FGGY: variants seen among roughly 807,000 people sequenced by gnomAD.
FGGY encodes FGGY carbohydrate kinase domain containing.
A neutral mutation model predicts 71.3 loss-of-function variants in FGGY; 72 were observed. That is an observed-to-expected ratio of 1.01 (90% confidence interval 0.84 to 1.23). The LOEUF is 1.23. FGGY is among the 50% of genes most tolerant of loss of function. FGGY has a pLI of 0.00. For synonymous variants in FGGY, 251 were observed against 250.3 expected (o/e 1.00, Z -0.02); for missense variants, 668 against 682.3 (o/e 0.98, Z 0.23).
intron 6 of FGGY, among the ~76,000 whole-genome samples, chr1:59,484,185 C>T (rs1418115936): frequency 6.6e-6 from 1 of 152,136 alleles, no homozygotes; most frequent in African/African-American, 2.4e-5. Flanking sequence ...AAAAGCAGGC[C>T]TGACTCCAAA....
intron 10 of FGGY, among the ~76,000 whole-genome samples, chr1:59,628,732 A>G (rs953137950): frequency 6.6e-6 from 1 of 152,192 alleles, no homozygotes; most frequent in South Asian, 2.1e-4. Context: ...TTATAGAATT[A>G]TCAGAGAAAC....
At chr1:59,597,413 G>GT (rs2096534603) in intron 8 of FGGY, among the ~76,000 whole-genome samples, 1 of 152,146 alleles carries the variant, frequency 6.6e-6, no homozygotes, top group Non-Finnish European at 1.5e-5. Context: ...ACCCATCTGA[G>GT]TGATCGTGTT....
intron 4 of FGGY, among the ~76,000 whole-genome samples, chr1:59,369,899 C>T (rs2057297487): frequency 6.6e-6 from 1 of 152,108 alleles, no homozygotes; most frequent in South Asian, 2.1e-4. Context: ...ACATCCACAC[C>T]AAAAACCCAT....
intron 5 of FGGY, among the ~76,000 whole-genome samples, chr1:59,419,908 G>A (rs1464161610): frequency 6.6e-6 from 1 of 152,038 alleles, no homozygotes; most frequent in Admixed American, 6.5e-5. Context: ...ACAACTCTAT[G>A]GTAAATGCTG....
chr1:59,587,182 T>C (rs2153776022), intron 8 of FGGY, among the ~76,000 whole-genome samples: 1 of 152,322 alleles, frequency 6.6e-6, no homozygotes, highest in Middle Eastern at 3.4e-3. Flanking sequence ...CCACGGAGTC[T>C]CACTGATTGC....
At chr1:59,732,757 C>T (rs1305291579) in intron 14 of FGGY, among the ~76,000 whole-genome samples, 4 of 152,088 alleles carry the variant, frequency 2.6e-5, no homozygotes, top group African/African-American at 4.8e-5. Context: ...TAGACCACTG[C>T]GGTATCTCCT....
chr1:59,522,086 G>A (rs1477105078), intron 7 of FGGY, among the ~76,000 whole-genome samples: 2 of 152,136 alleles, frequency 1.3e-5, no homozygotes, highest in Admixed American at 1.3e-4. Context: ...GTTTTGCTAG[G>A]TACTTGACTA....
At chr1:59,335,926 A>G (rs1394576973) in intron 2 of FGGY, among the ~76,000 whole-genome samples, 1 of 152,136 alleles carries the variant, frequency 6.6e-6, no homozygotes, top group African/African-American at 2.4e-5. Context: ...TGTTGTTTGC[A>G]AATATTTTCT....
chr1:59,632,111 G>T (rs1271185798), intron 10 of FGGY, among the ~76,000 whole-genome samples: 1 of 152,166 alleles, frequency 6.6e-6, no homozygotes. Flanking sequence ...TTGAGCATTT[G>T]TGATACATGA....
chr1:59,350,986 C>T (rs931460858), intron 4 of FGGY, among the ~76,000 whole-genome samples: 2 of 152,184 alleles, frequency 1.3e-5, no homozygotes, highest in African/African-American at 4.8e-5. Context: ...CCAAATCTGG[C>T]CTACTGCCTG....
chr1:59,622,473 C>A (rs1279131421), intron 9 of FGGY, among the ~76,000 whole-genome samples: 2 of 152,074 alleles, frequency 1.3e-5, no homozygotes, highest in Admixed American at 1.3e-4. Flanking sequence ...GTTTATTTGG[C>A]TGAACTCAAA....
At chr1:59,460,883 C>T (rs2092139285) in intron 6 of FGGY, among the ~76,000 whole-genome samples, 1 of 152,176 alleles carries the variant, frequency 6.6e-6, no homozygotes, top group African/African-American at 2.4e-5. Context: ...AAAGGAATAG[C>T]ATCAACATCA....
chr1:59,401,789 C>G (rs1181182149), intron 5 of FGGY, among the ~76,000 whole-genome samples: 1 of 152,124 alleles, frequency 6.6e-6, no homozygotes, highest in African/African-American at 2.4e-5. Flanking sequence ...TAAGTCATGA[C>G]TCAATGTGAA....
intron 9 of FGGY, among the ~76,000 whole-genome samples, chr1:59,608,130 A>C (rs2096641584): frequency 6.6e-6 from 1 of 152,158 alleles, no homozygotes; most frequent in Non-Finnish European, 1.5e-5. Context: ...CCTTCTTCTC[A>C]CCTGATCTTT....
chr1:59,548,714 T>C (rs1364307015), intron 7 of FGGY, among the ~76,000 whole-genome samples: 8 of 152,172 alleles, frequency 5.3e-5, no homozygotes, highest in African/African-American at 1.9e-4. Context: ...AAAAATTCAG[T>C]CCTCAGTTGT....
At chr1:59,519,241 C>T (rs2094753591) in intron 7 of FGGY, among the ~76,000 whole-genome samples, 1 of 152,148 alleles carries the variant, frequency 6.6e-6, no homozygotes. Context: ...TAATTTGACC[C>T]TAAAAATGTG....
intron 7 of FGGY, among the ~76,000 whole-genome samples, chr1:59,512,814 A>C (rs1311714282): frequency 1.3e-5 from 2 of 152,148 alleles, no homozygotes; most frequent in African/African-American, 4.8e-5. Context: ...GATTTATTTT[A>C]ATAATATATT....
chr1:59,743,042 T>A (rs1273329061), intron 14 of FGGY, among the ~76,000 whole-genome samples: 1 of 152,190 alleles, frequency 6.6e-6, no homozygotes, highest in Non-Finnish European at 1.5e-5. Flanking sequence ...TTGGCATAAC[T>A]CAAAACCTTT....
At chr1:59,677,192 G>T (rs2153983726) in intron 14 of FGGY, among the ~76,000 whole-genome samples, 1 of 152,300 alleles carries the variant, frequency 6.6e-6, no homozygotes, top group African/African-American at 2.4e-5. Context: ...ATTCTGGCAA[G>T]GTGAGGCAAA....
Sources: allele counts gnomAD v4.1 joint callset (sites outside exome capture counted in the v4.1 genomes callset), GRCh38; gene constraint gnomAD v4.1.1; transcripts MANE v1.5; gene names NCBI Gene and HGNC (gene_info 2026-07-23, HGNC 2026-07-21).